Variants in ATG5 observed in about 807,000 individuals in gnomAD.
ATG5 encodes autophagy protein 5.
Under a neutral mutation model 36.5 loss-of-function variants are expected in ATG5, and 14 were observed. That is an observed-to-expected ratio of 0.38 (90% confidence interval 0.25 to 0.60). The LOEUF (loss-of-function observed/expected upper bound fraction) is 0.60. ATG5 is among the 20% of genes least tolerant of loss of function. The pLI is 0.60. For synonymous variants in ATG5, 95 were observed against 101.5 expected, an observed-to-expected ratio of 0.94 and a Z score of 0.38; for missense variants, 195 against 326.7, an observed-to-expected ratio of 0.60 and a Z score of 3.11.
intron 6 of ATG5, among the ~76,000 whole-genome samples, chr6:106,224,893 C>G (rs1330160932): frequency 6.6e-6 from 1 of 152,014 alleles, no homozygotes; most frequent in African/African-American, 2.4e-5. Flanking sequence ...AAAAAACAAA[C>G]AAACAAAACA....
chr6:106,300,125 C>T (rs145408727), intron 3 of ATG5, among the ~76,000 whole-genome samples: 35 of 152,266 alleles, frequency 2.3e-4, no homozygotes, highest in African/African-American at 8.2e-4. Context: ...ATGTAAGTCA[C>T]ATTTCAAAAA....
chr6:106,265,333 G>A (rs1348387110), intron 5 of ATG5, among the ~76,000 whole-genome samples: 2 of 152,122 alleles, frequency 1.3e-5, no homozygotes, highest in Non-Finnish European at 2.9e-5. Context: ...CCCAATACAG[G>A]AGCATCCAGA....
chr6:106,321,360 CTCTT>C (rs2114690325), intron 1 of ATG5, among the ~76,000 whole-genome samples: 1 of 149,726 alleles, frequency 6.7e-6, no homozygotes, highest in South Asian at 2.1e-4. Context: ...TCTGGGTCAA[CTCTT>C]TTTTTTTTTT....
intron 5 of ATG5, among the ~76,000 whole-genome samples, chr6:106,268,814 G>A (rs554529446): frequency 6.6e-6 from 1 of 151,914 alleles, no homozygotes. Flanking sequence ...CTCATTAGTG[G>A]GAGCTGAACA....
chr6:106,304,719 AAT>A (rs1373685476), intron 3 of ATG5, among the ~76,000 whole-genome samples: 1 of 152,198 alleles, frequency 6.6e-6, no homozygotes, highest in East Asian at 1.9e-4. Context: ...TGTGAAATTA[AAT>A]ATCTTATTAT....
At chr6:106,313,228 C>T (rs1770718395) in intron 2 of ATG5, among the ~76,000 whole-genome samples, 1 of 152,116 alleles carries the variant, frequency 6.6e-6, no homozygotes, top group African/African-American at 2.4e-5. Context: ...ATAGGTTTTG[C>T]AGATTTGGTG....
intron 6 of ATG5, among the ~76,000 whole-genome samples, chr6:106,215,955 C>G (rs1368119497): frequency 2.0e-5 from 3 of 152,166 alleles, no homozygotes; most frequent in Non-Finnish European, 4.4e-5. Flanking sequence ...GATCTGAAGA[C>G]AATTCTCCTA....
chr6:106,304,551 T>C (rs1770357636), intron 3 of ATG5, among the ~76,000 whole-genome samples: 5 of 152,076 alleles, frequency 3.3e-5, no homozygotes, highest in Admixed American at 3.3e-4. Flanking sequence ...TCAAAAACAT[T>C]ACTCGAGGTA....
intron 6 of ATG5, chr6:106,217,507 C>T (rs1456416911): frequency 2.0e-5 from 3 of 152,180 alleles, no homozygotes; most frequent in Admixed American, 1.3e-4. Context: ...TTTTCCAGAA[C>T]GCTCGCCACC....
chr6:106,301,759 G>GA (rs562677736), intron 3 of ATG5, among the ~76,000 whole-genome samples: 120 of 152,072 alleles, frequency 7.9e-4, no homozygotes, highest in Non-Finnish European at 1.4e-3. Flanking sequence ...TCCAAAATCT[G>GA]AAAAAATCTG....
At chr6:106,210,894 A>G (rs1476964570) in intron 6 of ATG5, among the ~76,000 whole-genome samples, 1 of 152,150 alleles carries the variant, frequency 6.6e-6, no homozygotes, top group Non-Finnish European at 1.5e-5. Flanking sequence ...TTTAAATGTG[A>G]CTTGACTCTC....
chr6:106,297,489 A>G (rs1262644143), intron 3 of ATG5, among the ~76,000 whole-genome samples: 1 of 152,202 alleles, frequency 6.6e-6, no homozygotes, highest in Non-Finnish European at 1.5e-5. Context: ...AAGAAGGGCC[A>G]GAAGTAATAA....
intron 1 of ATG5, 71 bp from the exon 2 acceptor site, chr6:106,316,337 T>A: frequency 3.9e-6 from 2 of 513,536 alleles, no homozygotes; most frequent in South Asian, 4.9e-5. Flanking sequence ...AACAAAAGAT[T>A]ATTTTAAAAA....
intron 5 of ATG5, among the ~76,000 whole-genome samples, chr6:106,271,081 C>T (rs1368215902): frequency 2.0e-5 from 3 of 152,192 alleles, no homozygotes; most frequent in Non-Finnish European, 1.5e-5. Flanking sequence ...TCTCATCACT[C>T]CCCTGCTTAA....
rs1778424873 is a variant in ATG5, at chr6:106,248,203, C to T, written c.520G>A (p.Glu174Lys). The change falls in exon 6 of 8, where the codon GAA (glutamate) becomes AAA (lysine). Residue 174 changes from glutamate to lysine, a missense_variant. Transcript: ENST00000369076. ...QFWAINRKLM[E>K]YPAEENGFRY... ...AATCCATTTTCTTCTGCAGGATATT[C>T]CATGAGTTTCCGATTGATGGCCCAA... The T allele has an allele frequency of 6.2e-7, 1 of 1,612,522 alleles. No individual in the cohort carries two copies. Among genetic ancestry groups the T allele is most frequent in the Non-Finnish European group, 8.5e-7 (1 of 1,178,744 alleles).
chr6:106,246,590 A>C (rs1778349936), intron 6 of ATG5, among the ~76,000 whole-genome samples: 1 of 152,172 alleles, frequency 6.6e-6, no homozygotes, highest in Non-Finnish European at 1.5e-5. Context: ...TAATTCCTAA[A>C]TTAAGTATAA....
intron 7 of ATG5, among the ~76,000 whole-genome samples, chr6:106,201,273 A>G (rs1776416820): frequency 1.1e-5 from 1 of 91,726 alleles, no homozygotes; most frequent in South Asian, 3.2e-4. Flanking sequence ...ATTCAAGTGT[A>G]TATGTGTGTG....
At chr6:106,320,944 T>C (rs1349891258) in intron 1 of ATG5, among the ~76,000 whole-genome samples, 1 of 152,146 alleles carries the variant, frequency 6.6e-6, no homozygotes, top group Non-Finnish European at 1.5e-5. Context: ...GTGCCTGACC[T>C]AGAGAGGTAG....
At chr6:106,297,318 G>T (rs1424785115) in intron 3 of ATG5, among the ~76,000 whole-genome samples, 1 of 152,082 alleles carries the variant, frequency 6.6e-6, no homozygotes, top group Non-Finnish European at 1.5e-5. Context: ...TATATAAAAA[G>T]AAGACTGAAG....
Sources: allele counts gnomAD v4.1 joint callset (sites outside exome capture counted in the v4.1 genomes callset), GRCh38; gene constraint gnomAD v4.1.1; transcripts MANE v1.5; gene names NCBI Gene and HGNC (gene_info 2026-07-23, HGNC 2026-07-21).